ADAMTS18: variants seen among roughly 807,000 people sequenced by gnomAD.
ADAMTS18 encodes the protein A disintegrin and metalloproteinase with thrombospondin motifs 18.
In ADAMTS18, 157 loss-of-function variants were observed where a neutral mutation model predicts 165.9. The observed-to-expected ratio is 0.95, with a 90% CI of 0.83 to 1.08. ADAMTS18 has a LOEUF of 1.08. Ranked by LOEUF, ADAMTS18 falls within the 50% of genes least tolerant of loss-of-function variation. The pLI is 0.00. For synonymous variants in ADAMTS18, 782 were observed against 578.2 expected, an observed-to-expected ratio of 1.35 and a Z score of -5.06; for missense variants, 2,040 against 1,534.0, an observed-to-expected ratio of 1.33 and a Z score of -5.51.
At chr16:77,328,505 G>A (rs2056133844) in intron 12 of ADAMTS18, among the ~76,000 whole-genome samples, 6 of 152,228 alleles carry the variant, frequency 3.9e-5, no homozygotes, top group South Asian at 2.1e-4. Context: ...GAAATGTCAC[G>A]CGGCCAGAAT....
chr16:77,343,190 C>T (rs1204980503), intron 10 of ADAMTS18, among the ~76,000 whole-genome samples: 3 of 152,004 alleles, frequency 2.0e-5, no homozygotes, highest in Non-Finnish European at 4.4e-5. Flanking sequence ...ATCCCTGCCT[C>T]AGCCTCCTGA....
intron 12 of ADAMTS18, among the ~76,000 whole-genome samples, 161 bp downstream of exon 12, chr16:77,335,595 G>A (rs1210316782): frequency 6.6e-6 from 1 of 152,038 alleles, no homozygotes; most frequent in Non-Finnish European, 1.5e-5. Context: ...TTGTATAGTT[G>A]TATCAACACA....
chr16:77,311,094 T>C (rs1371927959), intron 16 of ADAMTS18, among the ~76,000 whole-genome samples: 2 of 150,398 alleles, frequency 1.3e-5, no homozygotes, highest in Non-Finnish European at 2.9e-5. Flanking sequence ...GTCATACATA[T>C]GAAAGGGAAA....
intron 12 of ADAMTS18, among the ~76,000 whole-genome samples, chr16:77,334,694 G>T (rs1172032688): frequency 2.5e-5 from 2 of 80,794 alleles, no homozygotes; most frequent in African/African-American, 6.0e-5. Flanking sequence ...TATATATATA[G>T]TATATATATA....
intron 3 of ADAMTS18, among the ~76,000 whole-genome samples, chr16:77,423,110 A>G (rs2057625065): frequency 6.6e-6 from 1 of 152,200 alleles, no homozygotes; most frequent in African/African-American, 2.4e-5. Flanking sequence ...TCAAGTGCTC[A>G]GGTCCTTTTG....
intron 10 of ADAMTS18, among the ~76,000 whole-genome samples, chr16:77,343,273 C>T (rs1027054963): frequency 6.6e-6 from 1 of 152,126 alleles, no homozygotes; most frequent in African/African-American, 2.4e-5. Context: ...GTGGTTTCAC[C>T]ACGTTGGCCA....
chr16:77,367,313 G>T, intron 4 of ADAMTS18, 128 bp downstream of exon 4: 4 of 980,976 alleles, frequency 4.1e-6, no homozygotes, highest in Non-Finnish European at 6.3e-6. Context: ...ATAATTACTG[G>T]TCCTACACCA....
intron 18 of ADAMTS18, among the ~76,000 whole-genome samples, chr16:77,295,460 T>G (rs1478337424): frequency 6.6e-6 from 1 of 152,142 alleles, no homozygotes; most frequent in Non-Finnish European, 1.5e-5. Flanking sequence ...AGCATTAGGA[T>G]TAGAAAAATT....
intron 3 of ADAMTS18, among the ~76,000 whole-genome samples, chr16:77,401,902 C>T (rs1376956188): frequency 2.0e-5 from 3 of 152,214 alleles, no homozygotes; most frequent in Admixed American, 6.5e-5. Flanking sequence ...TTAGGACTTA[C>T]ATCAGCAGCC....
In ADAMTS18 at chr16:77,320,040, C is replaced by G; in HGVS notation, c.2341G>C (p.Glu781Gln). 5 of 1,614,046 alleles carry G rather than the reference C, an allele frequency of 3.1e-6. No individual in the cohort carries two copies. The highest frequency in any genetic ancestry group is 4.2e-6 in the Non-Finnish European group (5 of 1,180,008). Reference protein sequence around the residue: ...PAGARSIEIQELQVSSSYLAV... With the variant: ...PAGARSIEIQQLQVSSSYLAV... Reference sequence around the variant, plus strand: ...AGGTAACTGGAGGAAACCTGCAGCTCCTGGATTTCGATGCTTCGGGCGCCA... The same window carrying G: ...AGGTAACTGGAGGAAACCTGCAGCTGCTGGATTTCGATGCTTCGGGCGCCA... The change falls in exon 16 of 23, where the codon GAG becomes CAG. Residue 781 changes from glutamate (E) to glutamine (Q), a missense_variant. Coordinates refer to ENST00000282849, the MANE Select transcript of ADAMTS18 (RefSeq NM_199355.4).
At chr16:77,404,512 T>G (rs1007033759) in intron 3 of ADAMTS18, among the ~76,000 whole-genome samples, 2 of 152,092 alleles carry the variant, frequency 1.3e-5, no homozygotes, top group African/African-American at 4.8e-5. Context: ...CTTAGAAAAT[T>G]TACTATGGGG....
rs2055183214 is a variant in ADAMTS18, at chr16:77,283,269, T to G, written c.*687A>C. On this transcript the variant is annotated 3_prime_UTR_variant, in exon 23 of 23. Coordinates refer to ENST00000282849, the MANE Select transcript of ADAMTS18 (RefSeq NM_199355.4). Reference sequence around the variant, plus strand: ...CATGAATTTCAATTACATGGAGATCTTAAACAGTCCATGTTGCCCTATTTT... The same window carrying G: ...CATGAATTTCAATTACATGGAGATCGTAAACAGTCCATGTTGCCCTATTTT... The G allele has an allele frequency of 6.5e-6, 1 of 152,734 alleles. No individual in the cohort carries two copies. Among genetic ancestry groups the G allele is most frequent in the Admixed American group, 6.5e-5 (1 of 15,282 alleles). 9.5% of individuals were successfully genotyped at this position (152,734 alleles called of 1,614,324 possible).
chr16:77,326,609 C>G (rs963401683), intron 12 of ADAMTS18, among the ~76,000 whole-genome samples: 3 of 152,178 alleles, frequency 2.0e-5, no homozygotes, highest in Non-Finnish European at 4.4e-5. Flanking sequence ...TCTCAAACTC[C>G]TCGGTTCAAG....
intron 3 of ADAMTS18, among the ~76,000 whole-genome samples, chr16:77,423,331 T>C (rs901312444): frequency 5.9e-5 from 9 of 152,186 alleles, no homozygotes; most frequent in African/African-American, 2.2e-4. Context: ...GTAAGAACTG[T>C]CAGCAGTCAA....
chr16:77,301,823 C>G (rs1009050277), intron 16 of ADAMTS18, among the ~76,000 whole-genome samples: 1 of 152,140 alleles, frequency 6.6e-6, no homozygotes, highest in Non-Finnish European at 1.5e-5. Flanking sequence ...TCGATGCCTC[C>G]TAGAAATAAT....
intron 11 of ADAMTS18, among the ~76,000 whole-genome samples, chr16:77,336,302 A>C (rs2056309885): frequency 1.3e-5 from 2 of 152,222 alleles, no homozygotes; most frequent in Non-Finnish European, 2.9e-5. Context: ...AGAAACAGTT[A>C]AGATATTAAC....
Position 77,367,727 on chromosome 16 carries a change from A to G in ADAMTS18, c.496-4T>C, listed in dbSNP as rs1269866061. On this transcript the variant is annotated splice_region_variant and splice_polypyrimidine_tract_variant and intron_variant, in intron 3 of 22. Transcript: ENST00000282849. ...TTCGTGTCCTTATTAAACCTGACTA[A>G]AAAGCCAAACACAAAGCAAACAGTC... The G allele has an allele frequency of 6.2e-7, 1 of 1,614,194 alleles. No individual in the cohort carries two copies. The highest frequency in any genetic ancestry group is 1.1e-5 in the South Asian group (1 of 91,086).
chr16:77,334,882 T>A, intron 12 of ADAMTS18, among the ~76,000 whole-genome samples: 1 of 134,206 alleles, frequency 7.5e-6, no homozygotes, highest in African/African-American at 2.8e-5. Context: ...ATGCACTATA[T>A]ATTATAATAT....
At chr16:77,413,244 C>T (rs1378898957) in intron 3 of ADAMTS18, among the ~76,000 whole-genome samples, 2 of 152,104 alleles carry the variant, frequency 1.3e-5, no homozygotes, top group African/African-American at 4.8e-5. Context: ...CCTGAGAAAA[C>T]CCTCCCCTAC....
Sources: allele counts gnomAD v4.1 joint callset (sites outside exome capture counted in the v4.1 genomes callset), GRCh38; gene constraint gnomAD v4.1.1; transcripts MANE v1.5; gene names NCBI Gene and HGNC (gene_info 2026-07-23, HGNC 2026-07-21).